Variants in DPP6 observed in about 807,000 individuals in gnomAD.
DPP6 encodes the protein dipeptidyl peptidase like 6.
DPP6 carries 69 observed loss-of-function variants against 122.6 expected under a neutral mutation model. That is an observed-to-expected ratio of 0.56 (90% CI 0.46 to 0.69). DPP6 has a LOEUF of 0.69. Ranked by LOEUF, DPP6 falls within the 30% of genes least tolerant of loss-of-function variation. The pLI is 0.00. For missense variants in DPP6, 928 were observed against 1,116.9 expected (o/e 0.83, Z 2.41); for synonymous variants, 418 against 433.1 (o/e 0.97, Z 0.43).
chr7:154,479,580 G>GAAAA (rs769448415), intron 3 of DPP6, among the ~76,000 whole-genome samples: 43,815 of 141,308 alleles, frequency 0.31, 8,071 homozygotes, highest in Non-Finnish European at 0.41. Flanking sequence ...AAAAAGAAAA[G>GAAAA]AAAAGAAAAA....
chr7:154,011,560 T>G (rs2129048966), intron 1 of DPP6, among the ~76,000 whole-genome samples: 1 of 151,198 alleles, frequency 6.6e-6, no homozygotes, highest in Admixed American at 6.6e-5. Context: ...GTTAAAAATT[T>G]TATTCACTAA....
chr7:154,842,701 A>C (rs1429413827), intron 16 of DPP6, among the ~76,000 whole-genome samples: 2 of 152,232 alleles, frequency 1.3e-5, no homozygotes, highest in Non-Finnish European at 2.9e-5. Flanking sequence ...AACAATATAA[A>C]TTTTGAAAGT....
At chr7:154,270,202 A>T (rs970161184) in intron 1 of DPP6, among the ~76,000 whole-genome samples, 2 of 152,114 alleles carry the variant, frequency 1.3e-5, no homozygotes, top group African/African-American at 4.8e-5. Flanking sequence ...AGCGTATTTA[A>T]TCGTGGTTAT....
chr7:153,909,587 T>C (rs982316971), intron 1 of DPP6, among the ~76,000 whole-genome samples: 5 of 152,148 alleles, frequency 3.3e-5, no homozygotes, highest in African/African-American at 1.2e-4. Flanking sequence ...TGACTTTGGT[T>C]CTTACCACTG....
At chr7:154,774,478 A>G (rs2150386956) in intron 10 of DPP6, among the ~76,000 whole-genome samples, 1 of 152,308 alleles carries the variant, frequency 6.6e-6, no homozygotes, top group Non-Finnish European at 1.5e-5. Context: ...CAATTTGGTG[A>G]TGCTGTTTCC....
chr7:154,463,203 T>C (rs1442924598), intron 2 of DPP6, among the ~76,000 whole-genome samples: 1 of 87,380 alleles, frequency 1.1e-5, no homozygotes, highest in African/African-American at 4.3e-5. Flanking sequence ...TTCTTTTTTT[T>C]TTTTTTTTTT....
At chr7:153,768,947 G>C in the DPP6 span, among the ~76,000 whole-genome samples, 5 of 152,178 alleles carry the variant, frequency 3.3e-5, no homozygotes, top group African/African-American at 1.2e-4. Context: ...TGAAAAGGAA[G>C]TAAATTAATC....
intron 1 of DPP6, among the ~76,000 whole-genome samples, chr7:154,192,997 A>G (rs1798687944): frequency 6.6e-6 from 1 of 152,248 alleles, no homozygotes; most frequent in Non-Finnish European, 1.5e-5. Context: ...TCAGTAAATA[A>G]CATGTGGAGT....
intron 1 of DPP6, among the ~76,000 whole-genome samples, chr7:154,309,467 C>T (rs531198992): frequency 5.3e-5 from 8 of 152,250 alleles, no homozygotes; most frequent in Non-Finnish European, 7.4e-5. Flanking sequence ...TTCCATAGAA[C>T]GGACATTGAA....
intron 6 of DPP6, among the ~76,000 whole-genome samples, chr7:154,642,555 A>G (rs1836173600): frequency 6.6e-6 from 1 of 151,972 alleles, no homozygotes; most frequent in Non-Finnish European, 1.5e-5. Flanking sequence ...GTACCATTGC[A>G]CTCCAGCCTG....
intron 7 of DPP6, among the ~76,000 whole-genome samples, chr7:154,690,576 G>A (rs1377382537): frequency 3.9e-5 from 6 of 152,080 alleles, no homozygotes; most frequent in Admixed American, 6.6e-5. Flanking sequence ...CAGCGAGAGA[G>A]GAATGATCCC....
chr7:154,528,143 G>A (rs549201664), intron 3 of DPP6, among the ~76,000 whole-genome samples: 2 of 152,224 alleles, frequency 1.3e-5, no homozygotes, highest in Admixed American at 1.3e-4. Flanking sequence ...TAGATATATT[G>A]CACATGAAAA....
At chr7:154,552,256 C>T (rs576788706) in intron 4 of DPP6, among the ~76,000 whole-genome samples, 21 of 152,290 alleles carry the variant, frequency 1.4e-4, no homozygotes, top group African/African-American at 5.1e-4. Flanking sequence ...AAAAGTGCCC[C>T]TCATGCCATC....
intron 16 of DPP6, among the ~76,000 whole-genome samples, chr7:154,813,881 T>TTC (rs1799240023): frequency 1.4e-5 from 2 of 144,720 alleles, no homozygotes; most frequent in African/African-American, 2.6e-5. Flanking sequence ...ACATTTCTTT[T>TTC]TTTTTTTTTT....
chr7:154,348,200 A>C (rs114712204), intron 1 of DPP6, among the ~76,000 whole-genome samples: 2,373 of 152,050 alleles, frequency 0.016, 71 homozygotes, highest in African/African-American at 0.054. Context: ...TGAGCTTCTG[A>C]AAGTCAAATA....
chr7:154,717,381 AACAC>A (rs147112173), intron 7 of DPP6, among the ~76,000 whole-genome samples: 1 of 149,366 alleles, frequency 6.7e-6, no homozygotes, highest in Admixed American at 6.7e-5. Flanking sequence ...CTTGCACACA[AACAC>A]ACACACACAC....
At chr7:153,872,272 G>T in the DPP6 span, among the ~76,000 whole-genome samples, 3 of 152,118 alleles carry the variant, frequency 2.0e-5, no homozygotes, top group Non-Finnish European at 4.4e-5. Context: ...ATTTTCATAA[G>T]CATCCAGGTA....
upstream of DPP6, among the ~76,000 whole-genome samples, chr7:153,883,307 A>T (rs1018384063): frequency 1.4e-4 from 22 of 152,360 alleles, no homozygotes; most frequent in African/African-American, 5.3e-4. Flanking sequence ...TTAAATACCC[A>T]AAATTAATAT....
the DPP6 span, among the ~76,000 whole-genome samples, chr7:153,803,807 GTATATATA>G: frequency 1.3e-5 from 2 of 149,346 alleles, no homozygotes; most frequent in African/African-American, 4.9e-5. Context: ...GGATATATAT[GTATATATA>G]GAAACAGATA....
Sources: gnomAD v4.1 joint callset for allele counts (sites outside exome capture counted in the v4.1 genomes callset) on GRCh38, gnomAD v4.1.1 for gene constraint, MANE v1.5 for transcripts, NCBI Gene and HGNC (gene_info 2026-07-23, HGNC 2026-07-21) for gene names.